DLGAP2: variants seen among roughly 807,000 people sequenced by gnomAD.
The protein encoded by DLGAP2 is DLG associated protein 2, also known as disks large-associated protein 2.
Under a neutral mutation model 100.3 loss-of-function variants are expected in DLGAP2, and 26 were observed. The ratio of observed to expected loss-of-function variants is 0.26; its 90% CI spans 0.19 to 0.36. DLGAP2 has a LOEUF of 0.36. Among genes scored for constraint, DLGAP2 ranks in the 10% least tolerant of loss-of-function variants. DLGAP2 has a pLI of 1.00. For synonymous variants in DLGAP2, 886 were observed against 630.1 expected (o/e 1.41, Z -6.08); for missense variants, 1,858 against 1,453.2 (o/e 1.28, Z -4.53).
chr8:1,156,719 C>T (rs1353338997), intron 2 of DLGAP2, among the ~76,000 whole-genome samples: 1 of 152,102 alleles, frequency 6.6e-6, no homozygotes, highest in East Asian at 1.9e-4. Flanking sequence ...AGCGACCCGG[C>T]TCAGCACCCC....
chr8:1,606,899 A>C (rs1178272777), intron 6 of DLGAP2, among the ~76,000 whole-genome samples: 1 of 152,132 alleles, frequency 6.6e-6, no homozygotes, highest in East Asian at 1.9e-4. Context: ...TGCCCAGGCT[A>C]GTCTCAAACT....
intron 2 of DLGAP2, among the ~76,000 whole-genome samples, chr8:977,719 T>G (rs1448503150): frequency 8.1e-6 from 1 of 123,480 alleles, no homozygotes; most frequent in African/African-American, 2.7e-5. Context: ...TTTAGTAATG[T>G]GGGGAGGGCG....
chr8:1,170,239 G>C (rs949250003), intron 2 of DLGAP2, among the ~76,000 whole-genome samples: 3 of 152,204 alleles, frequency 2.0e-5, no homozygotes, highest in Non-Finnish European at 1.5e-5. Flanking sequence ...AAGCCCACTT[G>C]TTCATGCTGG....
At chr8:1,520,418 G>C (rs1294188876) in intron 4 of DLGAP2, among the ~76,000 whole-genome samples, 3 of 152,192 alleles carry the variant, frequency 2.0e-5, no homozygotes, top group Non-Finnish European at 4.4e-5. Context: ...TGATGAGCCA[G>C]GATTGATGTG....
chr8:1,324,384 A>G (rs1585260298), intron 3 of DLGAP2, among the ~76,000 whole-genome samples: 1 of 152,308 alleles, frequency 6.6e-6, no homozygotes, highest in East Asian at 1.9e-4. Flanking sequence ...ACTGTAAGAA[A>G]GTTAGATTGA....
At position 1,549,360 on chromosome 8, in the gene DLGAP2, C is replaced by G. The variant is rs750766233; in HGVS notation, c.907C>G (p.Leu303Val). ...CAGCTGGTGGAGCTCGGACGACAAC[C>G]TGGACAGCGACAGCACCTATCGGAC... ...MSSWWSSDDN[L>V]DSDSTYRTPS... is the part of the protein sequence containing the mutation. Residue 303 changes from leucine (L) to valine (V), a missense_variant, in exon 5 of 15, where the codon CTG becomes GTG. Physicochemically the swap from Leu to Val is conservative, Grantham distance 32. Transcript: ENST00000637795. The G allele has an allele frequency of 1.9e-6, 3 of 1,613,470 alleles. No homozygotes were observed. The highest frequency in any genetic ancestry group is 2.5e-6 in the Non-Finnish European group (3 of 1,179,798).
At chr8:1,044,486 T>C (rs1261418168) in intron 2 of DLGAP2, among the ~76,000 whole-genome samples, 3 of 152,176 alleles carry the variant, frequency 2.0e-5, no homozygotes, top group African/African-American at 7.2e-5. Flanking sequence ...TTAAACGCAG[T>C]CCTAGCGCTG....
At chr8:1,517,285 C>G (rs550475679) in intron 4 of DLGAP2, among the ~76,000 whole-genome samples, 1 of 152,054 alleles carries the variant, frequency 6.6e-6, no homozygotes, top group Non-Finnish European at 1.5e-5. Flanking sequence ...GAAAAAGGAC[C>G]CTGAAGAGTT....
At chr8:1,275,567 C>G (rs1359491674) in intron 3 of DLGAP2, among the ~76,000 whole-genome samples, 1 of 150,898 alleles carries the variant, frequency 6.6e-6, no homozygotes, top group Non-Finnish European at 1.5e-5. Flanking sequence ...TTTTCATTCC[C>G]AGATCTTCAC....
intron 4 of DLGAP2, among the ~76,000 whole-genome samples, chr8:1,516,001 ATGAG>A (rs1800359292): frequency 2.2e-5 from 3 of 134,074 alleles, no homozygotes; most frequent in African/African-American, 5.9e-5. Flanking sequence ...CTGAGTGAGA[ATGAG>A]TGAGTGAGTG....
At chr8:1,363,514 G>T (rs1228055179) in intron 3 of DLGAP2, among the ~76,000 whole-genome samples, 1 of 152,218 alleles carries the variant, frequency 6.6e-6, no homozygotes, top group Non-Finnish European at 1.5e-5. Context: ...CCTGGCAGGA[G>T]CTCAGGGCAC....
At chr8:1,618,366 G>T (rs1212541695) in intron 6 of DLGAP2, among the ~76,000 whole-genome samples, 1 of 152,330 alleles carries the variant, frequency 6.6e-6, no homozygotes, top group South Asian at 2.1e-4. Flanking sequence ...CAACAGCATT[G>T]TAGAATTGTG....
chr8:1,178,766 T>A (rs1362690403), intron 2 of DLGAP2, among the ~76,000 whole-genome samples: 2 of 152,200 alleles, frequency 1.3e-5, no homozygotes, highest in Non-Finnish European at 2.9e-5. Context: ...CCTGCAATGA[T>A]TCTCTGCCAA....
At chr8:1,361,933 C>T (rs562256235) in intron 3 of DLGAP2, among the ~76,000 whole-genome samples, 4 of 152,190 alleles carry the variant, frequency 2.6e-5, no homozygotes, top group Non-Finnish European at 5.9e-5. Flanking sequence ...CCTGGCAGGT[C>T]TCCTGGGAAG....
chr8:1,263,792 G>C (rs1439241308), intron 3 of DLGAP2, among the ~76,000 whole-genome samples: 2 of 152,128 alleles, frequency 1.3e-5, no homozygotes, highest in East Asian at 3.9e-4. Context: ...GGGCACCACT[G>C]TTTCAAAGAC....
rs182512968 is a variant in DLGAP2, at chr8:1,518,868, C to A, written c.172+17437C>A. 9.8e-4 allele frequency among the ~76,000 whole-genome samples: 149 copies of A among 152,294 alleles called. 1 individual carries two copies. In the Middle Eastern group the frequency reaches 0.01, roughly 10 times the overall value. ...ACATCAGCATTCAGTGGATACTGAGCGGCATCTGGATATTTAGTAAAACAC... is the reference window on the plus strand; with the variant it reads ...ACATCAGCATTCAGTGGATACTGAGAGGCATCTGGATATTTAGTAAAACAC... On this transcript the variant is annotated intron_variant, in intron 4 of 14. Transcript: ENST00000637795.
rs147075320 is a variant in DLGAP2 at position 846,539 on chromosome 8, G to T, written c.19-61373G>T. ...TTTCTTTATCCATTCATCTTTTGGC[G>T]TGTGACAGTTGGGTTGGTCCCATAT... On this transcript the variant is annotated intron_variant, in intron 1 of 14. Transcript: ENST00000637795. Among the ~76,000 whole-genome samples the T allele has an allele frequency of 6.6e-5, 10 of 152,246 alleles. No homozygotes were observed. In the East Asian group the frequency reaches 1.5e-3, roughly 23 times the overall value.
At chr8:1,259,197 G>A (rs535809826) in intron 3 of DLGAP2, among the ~76,000 whole-genome samples, 70 of 152,288 alleles carry the variant, frequency 4.6e-4, no homozygotes, top group African/African-American at 1.5e-3. Context: ...CAGGCTTGTT[G>A]GCTTTAAGTG....
chr8:789,779 A>G (rs1821977099), intron 1 of DLGAP2, among the ~76,000 whole-genome samples: 1 of 152,220 alleles, frequency 6.6e-6, no homozygotes, highest in Non-Finnish European at 1.5e-5. Flanking sequence ...AAAGCCGGCA[A>G]TGCAGTTTAG....
Sources: allele counts gnomAD v4.1 joint callset (sites outside exome capture counted in the v4.1 genomes callset), GRCh38; gene constraint gnomAD v4.1.1; transcripts MANE v1.5; gene names NCBI Gene and HGNC (gene_info 2026-07-23, HGNC 2026-07-21).